GRB14: variants seen among roughly 807,000 people sequenced by gnomAD.
GRB14 encodes the protein growth factor receptor-bound protein 14.
In GRB14, 38 loss-of-function variants were observed where a neutral mutation model predicts 69.1. The ratio of observed to expected loss-of-function variants is 0.55; its 90% confidence interval spans 0.42 to 0.72. The LOEUF is 0.72. GRB14 is among the 30% of genes least tolerant of loss of function. The pLI is 0.00. For missense variants in GRB14, 666 were observed against 666.1 expected, an observed-to-expected ratio of 1.00 and a Z score of 0.00; for synonymous variants, 247 against 241.3, an observed-to-expected ratio of 1.02 and a Z score of -0.22.
chr2:164,620,989 G>A lies in GRB14; in HGVS notation c.191+130C>T, dbSNP rs536111862. 4.1e-6 allele frequency: 3 copies of A among 725,872 alleles called. No homozygotes were observed. In the Admixed American group the frequency reaches 1.3e-4, roughly 32 times the overall value. 45.0% of individuals were successfully genotyped at this position (725,872 alleles called of 1,614,324 possible). Reference sequence around the variant, plus strand: ...ATCCGGTAGGAGCCAGCTCAAAGGGGATTGTCTTCAGAGACTTTTACAAAC... The same window carrying A: ...ATCCGGTAGGAGCCAGCTCAAAGGGAATTGTCTTCAGAGACTTTTACAAAC... On this transcript the variant is annotated intron_variant, in intron 1 of 13. Transcript: ENST00000263915.
chr2:164,588,109 T>C (rs1689578940), intron 2 of GRB14, among the ~76,000 whole-genome samples: 2 of 152,232 alleles, frequency 1.3e-5, no homozygotes, highest in African/African-American at 4.8e-5. Context: ...CAGATAAATG[T>C]GTTTCCAATC....
At chr2:164,531,404 T>C (rs1687932015) in intron 3 of GRB14, among the ~76,000 whole-genome samples, 1 of 152,254 alleles carries the variant, frequency 6.6e-6, no homozygotes. Flanking sequence ...TGTTTGTTTG[T>C]TTGCTTTGCC....
chr2:164,582,117 C>T (rs957093767), intron 2 of GRB14, among the ~76,000 whole-genome samples: 2 of 152,166 alleles, frequency 1.3e-5, no homozygotes, highest in East Asian at 3.9e-4. Context: ...ATTTAATTGG[C>T]TATTTGATAT....
chr2:164,608,447 A>G lies in GRB14; in HGVS notation c.324+11240T>C, dbSNP rs185571587. Among the ~76,000 whole-genome samples the G allele has an allele frequency of 4.1e-3, 625 of 152,304 alleles. 2 individuals are homozygous for G. Among genetic ancestry groups the G allele is most frequent in the African/African-American group, 0.014 (600 of 41,570 alleles). The stretch of plus-strand genomic sequence containing the variant: ...AAAAATAAATTATGAATTGTATCTT[A>G]GAAGAGAAATAGCTGAAAGCAGTCA... On this transcript the variant is annotated intron_variant, in intron 2 of 13. Coordinates refer to ENST00000263915, the MANE Select transcript of GRB14 (RefSeq NM_004490.3).
At chr2:164,511,873 T>C (rs1687347763) in intron 6 of GRB14, among the ~76,000 whole-genome samples, 1 of 152,158 alleles carries the variant, frequency 6.6e-6, no homozygotes, top group Admixed American at 6.5e-5. Context: ...ATGACATTTC[T>C]GGACATGCTC....
At chr2:164,537,355 C>G (rs1479911530) in intron 3 of GRB14, among the ~76,000 whole-genome samples, 1 of 152,122 alleles carries the variant, frequency 6.6e-6, no homozygotes, top group African/African-American at 2.4e-5. Context: ...TAAAGATGGA[C>G]AGGAAGGGGT....
At chr2:164,590,237 T>G (rs1390113249) in intron 2 of GRB14, among the ~76,000 whole-genome samples, 1 of 152,204 alleles carries the variant, frequency 6.6e-6, no homozygotes, top group Non-Finnish European at 1.5e-5. Context: ...TTCTCTAGTT[T>G]GAGTGTTTTA....
chr2:164,602,370 C>G (rs1169874450), intron 2 of GRB14, among the ~76,000 whole-genome samples: 1 of 151,794 alleles, frequency 6.6e-6, no homozygotes, highest in East Asian at 1.9e-4. Context: ...ACTGAAATTA[C>G]CAAAATTCAA....
At chr2:164,599,966 T>G (rs1461634380) in intron 2 of GRB14, among the ~76,000 whole-genome samples, 1 of 152,248 alleles carries the variant, frequency 6.6e-6, no homozygotes, top group African/African-American at 2.4e-5. Flanking sequence ...AATACATGTC[T>G]AAATTATTAA....
intron 2 of GRB14, among the ~76,000 whole-genome samples, chr2:164,579,289 A>G (rs889475676): frequency 3.3e-5 from 5 of 152,156 alleles, no homozygotes; most frequent in Admixed American, 2.6e-4. Context: ...CTAAATAAAG[A>G]CCCAAAACAC....
chr2:164,510,223 C>A (rs1687304844), intron 6 of GRB14, among the ~76,000 whole-genome samples: 1 of 152,128 alleles, frequency 6.6e-6, no homozygotes, highest in South Asian at 2.1e-4. Context: ...GTTATTCAAA[C>A]AAGAGTAAAA....
intron 2 of GRB14, among the ~76,000 whole-genome samples, chr2:164,610,992 C>T (rs573588496): frequency 4.3e-4 from 64 of 150,500 alleles, no homozygotes; most frequent in Non-Finnish European, 8.0e-4. Context: ...ATGTCAGGAG[C>T]CAGGGAAATA....
At chr2:164,572,557 T>C (rs77250691) in intron 2 of GRB14, among the ~76,000 whole-genome samples, 4,011 of 152,350 alleles carry the variant, frequency 0.026, 74 homozygotes, top group Non-Finnish European at 0.039. Context: ...TGTTATTTCA[T>C]TTTATTCTAA....
rs1686930819 is a variant in GRB14 at position 164,497,357 on chromosome 2, T to C, written c.1221+17A>G. The C allele has an allele frequency of 2.5e-6, 4 of 1,604,478 alleles. No homozygotes were observed. The South Asian group carries it at 3.3e-5, about 13-fold the overall frequency. On this transcript the variant is annotated intron_variant, in intron 10 of 13. Transcript: ENST00000263915. The stretch of plus-strand genomic sequence containing the variant: ...CTGAAATCATAAATATTTTGAAGCA[T>C]GTGAAGCTACTTGTACCCTCCAAGC...
intron 3 of GRB14, among the ~76,000 whole-genome samples, chr2:164,542,485 TA>T (rs1688266089): frequency 6.6e-6 from 1 of 152,062 alleles, no homozygotes; most frequent in Non-Finnish European, 1.5e-5. Context: ...TGGGAGAAAA[TA>T]TTTGCAAACT....
chr2:164,572,071 T>C (rs1371924166), intron 2 of GRB14, among the ~76,000 whole-genome samples: 2 of 152,200 alleles, frequency 1.3e-5, no homozygotes, highest in African/African-American at 4.8e-5. Flanking sequence ...ATGACTCCTC[T>C]TTACCAAAAC....
intron 3 of GRB14, among the ~76,000 whole-genome samples, chr2:164,535,285 T>TA (rs1305059509): frequency 2.0e-5 from 3 of 151,922 alleles, no homozygotes; most frequent in African/African-American, 4.8e-5. Context: ...ACTCTTTCTT[T>TA]AAAAAAAGAA....
At chr2:164,543,840 A>G (rs1688298054) in intron 3 of GRB14, among the ~76,000 whole-genome samples, 1 of 152,244 alleles carries the variant, frequency 6.6e-6, no homozygotes, top group African/African-American at 2.4e-5. Context: ...CAAAACTAAA[A>G]CAAAAAACAT....
chr2:164,601,937 A>G (rs4667760), intron 2 of GRB14, among the ~76,000 whole-genome samples: 114,463 of 151,748 alleles, frequency 0.75, 43,835 homozygotes, highest in Admixed American at 0.81. Context: ...CCAAGGTAAC[A>G]TTCAGTGAAA....
Sources: gnomAD v4.1 joint callset for allele counts (sites outside exome capture counted in the v4.1 genomes callset) on GRCh38, gnomAD v4.1.1 for gene constraint, MANE v1.5 for transcripts, NCBI Gene and HGNC (gene_info 2026-07-23, HGNC 2026-07-21) for gene names.